The following PDE3A variants were observed in gnomAD, a reference collection of about 807,000 sequenced individuals.
The protein encoded by PDE3A is cGMP-inhibited 3',5'-cyclic phosphodiesterase 3A.
A neutral mutation model predicts 98.3 loss-of-function variants in PDE3A; 43 were observed. The ratio of observed to expected loss-of-function variants is 0.44; its 90% CI spans 0.34 to 0.56. The LOEUF (loss-of-function observed/expected upper bound fraction) is 0.56. PDE3A is among the 20% of genes least tolerant of loss of function. The pLI, the probability that PDE3A is intolerant of heterozygous loss-of-function variation, is 0.01. For synonymous variants in PDE3A, 663 were observed against 567.9 expected (o/e 1.17, Z -2.38); for missense variants, 1,427 against 1,440.7 (o/e 0.99, Z 0.15).
intron 1 of PDE3A, among the ~76,000 whole-genome samples, chr12:20,436,599 C>T (rs1020016687): frequency 1.3e-5 from 2 of 152,206 alleles, no homozygotes; most frequent in African/African-American, 2.4e-5. Context: ...ATGATTTCAT[C>T]TCCAGGATTC....
At position 20,633,703 on chromosome 12, in the gene PDE3A, C is replaced by T. The variant is rs1473502592; in HGVS notation, c.1771C>T (p.Pro591Ser). 2 of 1,607,592 alleles carry T rather than the reference C, an allele frequency of 1.2e-6. No individual in the cohort carries two copies. The highest frequency in any genetic ancestry group is 2.2e-5 in the East Asian group (1 of 44,684). ...TCCAATATTTTTTAGCTGTGGCAGA[C>T]CATATTCCCAAGGGAATCCTGCTGA... ...PPVICSSCGR[P>S]YSQGNPADEP... Residue 591 changes from proline (P) to serine (S), a missense_variant, in exon 7 of 16, where the codon CCA (proline) becomes TCA (serine). Around this residue, in one of 3 missense-constraint regions of PDE3A, gnomAD observed 1,012 missense variants for 886.5 expected, o/e 1.14. Coordinates refer to ENST00000359062, the MANE Select transcript of PDE3A (RefSeq NM_000921.5).
At chr12:20,619,535 CAGTT>C (rs1240109110) in intron 4 of PDE3A, among the ~76,000 whole-genome samples, 1 of 152,000 alleles carries the variant, frequency 6.6e-6, no homozygotes, top group Non-Finnish European at 1.5e-5. Context: ...TCACAGTAAT[CAGTT>C]AGTCAATCCA....
At position 20,369,488 on chromosome 12, in the gene PDE3A, C is replaced by T. The variant is rs574877752; in HGVS notation, c.204C>T (p.Gly68=). The change falls in exon 1 of 16, where the codon GGC becomes GGT. Residue 68 remains glycine, a synonymous_variant. Coordinates refer to ENST00000359062, the MANE Select transcript of PDE3A (RefSeq NM_000921.5). ...SRKLSSALCA[G]SLSFLLALLV... ...AACTTTCCTCCGCGCTGTGCGCGGG[C>T]TCCCTGTCCTTTCTGCTGGCGCTGC... The T allele has an allele frequency of 8.3e-6, 13 of 1,557,056 alleles. No homozygotes were observed. Among genetic ancestry groups the T allele is most frequent in the African/African-American group, 2.7e-5 (2 of 73,546 alleles).
At chr12:20,403,494 T>C (rs574502222) in intron 1 of PDE3A, among the ~76,000 whole-genome samples, 1 of 152,316 alleles carries the variant, frequency 6.6e-6, no homozygotes, top group East Asian at 1.9e-4. Flanking sequence ...ATTTTTCCTG[T>C]GTAGGACAGC....
intron 1 of PDE3A, among the ~76,000 whole-genome samples, chr12:20,380,809 A>G (rs893384829): frequency 6.6e-6 from 1 of 151,824 alleles, no homozygotes; most frequent in African/African-American, 2.4e-5. Flanking sequence ...ATTTGAAAAA[A>G]CATATTACAA....
chr12:20,370,331 A>T (rs780494445), intron 1 of PDE3A, 87 bp downstream of exon 1: 6 of 1,157,734 alleles, frequency 5.2e-6, no homozygotes, highest in Non-Finnish European at 7.0e-6. Flanking sequence ...GAGCGCTGGG[A>T]ACTAAAGGGA....
intron 5 of PDE3A, among the ~76,000 whole-genome samples, chr12:20,624,055 G>A (rs1021943345): frequency 1.3e-5 from 2 of 152,202 alleles, no homozygotes; most frequent in Non-Finnish European, 2.9e-5. Context: ...CTAAATCCAT[G>A]TGTAGCTCAA....
At chr12:20,645,596 A>G (rs1944758818) in intron 10 of PDE3A, among the ~76,000 whole-genome samples, 1 of 152,186 alleles carries the variant, frequency 6.6e-6, no homozygotes, top group Non-Finnish European at 1.5e-5. Context: ...CATACTAATC[A>G]GTGAAGTATT....
At chr12:20,468,051 C>A (rs1945374479) in intron 1 of PDE3A, among the ~76,000 whole-genome samples, 1 of 143,322 alleles carries the variant, frequency 7.0e-6, no homozygotes, top group Admixed American at 7.4e-5. Flanking sequence ...TTTTTGTAGC[C>A]AGCTTTGTGA....
intron 2 of PDE3A, among the ~76,000 whole-genome samples, chr12:20,595,944 T>G (rs990457793): frequency 6.6e-6 from 1 of 152,206 alleles, no homozygotes; most frequent in South Asian, 2.1e-4. Context: ...AATATCAATG[T>G]TTTTCCTACA....
intron 1 of PDE3A, among the ~76,000 whole-genome samples, chr12:20,494,190 A>G (rs1945878120): frequency 6.6e-6 from 1 of 152,238 alleles, no homozygotes; most frequent in Admixed American, 6.5e-5. Flanking sequence ...TGACATTAGT[A>G]CAAATATTCA....
intron 1 of PDE3A, among the ~76,000 whole-genome samples, chr12:20,383,247 T>C (rs1943693382): frequency 6.7e-6 from 1 of 150,324 alleles, no homozygotes; most frequent in Non-Finnish European, 1.5e-5. Flanking sequence ...GCTGCCATTA[T>C]AACCTATATT....
intron 1 of PDE3A, among the ~76,000 whole-genome samples, chr12:20,483,856 G>A (rs541165981): frequency 5.3e-5 from 8 of 152,172 alleles, no homozygotes; most frequent in South Asian, 2.1e-4. Flanking sequence ...AATTATGAGC[G>A]CAGATGTATA....
At chr12:20,533,197 T>C (rs574251461) in intron 1 of PDE3A, among the ~76,000 whole-genome samples, 2 of 152,292 alleles carry the variant, frequency 1.3e-5, no homozygotes, top group East Asian at 3.9e-4. Context: ...TTTGCATTTT[T>C]TTCAAGATAG....
chr12:20,414,157 A>G (rs557043953), intron 1 of PDE3A, among the ~76,000 whole-genome samples: 1 of 152,324 alleles, frequency 6.6e-6, no homozygotes, highest in South Asian at 2.1e-4. Context: ...ATATTTATGT[A>G]TACGTATATT....
chr12:20,652,432 T>G (rs1157547477), intron 14 of PDE3A, among the ~76,000 whole-genome samples: 1 of 152,156 alleles, frequency 6.6e-6, no homozygotes, highest in African/African-American at 2.4e-5. Flanking sequence ...CAGCACCTGT[T>G]GTTTCCTGAC....
intron 1 of PDE3A, among the ~76,000 whole-genome samples, chr12:20,443,355 G>A (rs944302724): frequency 1.4e-4 from 22 of 152,120 alleles, no homozygotes; most frequent in Admixed American, 1.1e-3. Flanking sequence ...GCATAGATAC[G>A]TAAGGGGATA....
chr12:20,507,103 T>C (rs1946132965), intron 1 of PDE3A, among the ~76,000 whole-genome samples: 1 of 152,042 alleles, frequency 6.6e-6, no homozygotes, highest in Non-Finnish European at 1.5e-5. Context: ...CAGTTCCGCA[T>C]TCACTTTTTG....
At chr12:20,528,804 T>G (rs554069488) in intron 1 of PDE3A, among the ~76,000 whole-genome samples, 36 of 152,134 alleles carry the variant, frequency 2.4e-4, no homozygotes, top group African/African-American at 8.4e-4. Context: ...ATGAATACTA[T>G]GATTTATCAA....
Sources: allele counts gnomAD v4.1 joint callset (sites outside exome capture counted in the v4.1 genomes callset), GRCh38; gene constraint gnomAD v4.1.1; regional missense constraint gnomAD v4.1.1; transcripts MANE v1.5; gene names NCBI Gene and HGNC (gene_info 2026-07-23, HGNC 2026-07-21).